Variants in MDGA2 observed in about 807,000 individuals in gnomAD.
MDGA2 encodes the protein MAM domain-containing glycosylphosphatidylinositol anchor protein 2.
MDGA2 carries 40 observed loss-of-function variants against 117.8 expected under a neutral mutation model. The observed-to-expected ratio is 0.34, with a 90% CI of 0.26 to 0.44. The LOEUF is 0.44. Ranked by LOEUF, MDGA2 falls within the 20% of genes least tolerant of loss-of-function variation. The pLI is 1.00. For missense variants in MDGA2, 1,123 were observed against 1,250.6 expected (o/e 0.90, Z 1.54); for synonymous variants, 452 against 439.0 (o/e 1.03, Z -0.37).
At chr14:47,239,679 T>C (rs1244166212) in intron 2 of MDGA2, among the ~76,000 whole-genome samples, 1 of 151,874 alleles carries the variant, frequency 6.6e-6, no homozygotes, top group Non-Finnish European at 1.5e-5. Context: ...TAATGAATTT[T>C]CCTTTGGGGA....
chr14:47,538,538 A>G lies in MDGA2; in HGVS notation c.280+135979T>C, dbSNP rs535835098. Among the ~76,000 whole-genome samples the G allele has an allele frequency of 2.2e-4, 34 of 152,334 alleles. No individual in the cohort carries two copies. The South Asian group carries it at 6.4e-3, about 29-fold the overall frequency. ...GTGTTATATACAAAGATAACAACAC[A>G]ACAACTCTTGATTGGGTGGTCCTTA... On this transcript the variant is annotated intron_variant, in intron 1 of 16. Transcript: ENST00000399232.
chr14:47,320,591 C>T (rs895930498), intron 1 of MDGA2, among the ~76,000 whole-genome samples: 3 of 152,074 alleles, frequency 2.0e-5, no homozygotes, highest in African/African-American at 7.2e-5. Flanking sequence ...CTCTTTTCCT[C>T]CATCCCTCCA....
intron 1 of MDGA2, among the ~76,000 whole-genome samples, chr14:47,464,301 T>A (rs4900768): frequency 0.32 from 48,110 of 151,764 alleles, 8,118 homozygotes; most frequent in East Asian, 0.58. Flanking sequence ...AATTAAATAT[T>A]TAAATTAATA....
intron 1 of MDGA2, among the ~76,000 whole-genome samples, chr14:47,490,410 C>A (rs1207629349): frequency 6.6e-6 from 1 of 152,036 alleles, no homozygotes; most frequent in Admixed American, 6.6e-5. Context: ...GAATCTTATT[C>A]TGAATACATT....
intron 7 of MDGA2, among the ~76,000 whole-genome samples, chr14:47,038,072 G>A (rs901308344): frequency 6.6e-5 from 10 of 152,076 alleles, no homozygotes; most frequent in African/African-American, 2.2e-4. Flanking sequence ...TGGGATTACA[G>A]GTGTGCACCA....
chr14:47,103,503 C>A (rs1476945415), intron 5 of MDGA2, among the ~76,000 whole-genome samples: 1 of 152,162 alleles, frequency 6.6e-6, no homozygotes, highest in Non-Finnish European at 1.5e-5. Flanking sequence ...TGGTATCATG[C>A]TGGGAAATTC....
intron 8 of MDGA2, among the ~76,000 whole-genome samples, chr14:47,018,180 C>T (rs1256222792): frequency 8.6e-5 from 13 of 151,108 alleles, no homozygotes; most frequent in African/African-American, 2.9e-4. Context: ...TTTAAAGAAA[C>T]GCCTTTATTA....
At chr14:47,186,332 A>T (rs1764596548) in intron 3 of MDGA2, among the ~76,000 whole-genome samples, 1 of 151,788 alleles carries the variant, frequency 6.6e-6, no homozygotes, top group South Asian at 2.1e-4. Context: ...TAATTTTAAA[A>T]TTCATATGAA....
intron 3 of MDGA2, among the ~76,000 whole-genome samples, chr14:47,161,003 C>T (rs1420637346): frequency 6.6e-6 from 1 of 152,074 alleles, no homozygotes; most frequent in African/African-American, 2.4e-5. Context: ...TTTCCTTATT[C>T]CAAATCAGGA....
intron 1 of MDGA2, among the ~76,000 whole-genome samples, chr14:47,380,616 A>G (rs1314610424): frequency 6.6e-6 from 1 of 152,126 alleles, no homozygotes; most frequent in Non-Finnish European, 1.5e-5. Context: ...TCTAGAAGAA[A>G]TGGATAAATT....
intron 1 of MDGA2, among the ~76,000 whole-genome samples, chr14:47,565,818 G>A (rs1457907842): frequency 6.6e-6 from 1 of 152,208 alleles, no homozygotes; most frequent in Non-Finnish European, 1.5e-5. Flanking sequence ...ACTGGCAGGT[G>A]TAGGGCTGGC....
intron 1 of MDGA2, among the ~76,000 whole-genome samples, chr14:47,466,733 C>G (rs983551772): frequency 1.3e-5 from 2 of 152,042 alleles, no homozygotes; most frequent in Non-Finnish European, 1.5e-5. Flanking sequence ...ATGTTTAGAG[C>G]AGCGGGGTGG....
chr14:47,587,039 C>A (rs1008006951), intron 1 of MDGA2, among the ~76,000 whole-genome samples: 1 of 151,838 alleles, frequency 6.6e-6, no homozygotes, highest in South Asian at 2.1e-4. Flanking sequence ...TGTGCTCCTA[C>A]AATAATGAAG....
chr14:47,339,064 A>G (rs1184145985), intron 1 of MDGA2, among the ~76,000 whole-genome samples: 1 of 152,152 alleles, frequency 6.6e-6, no homozygotes, highest in Non-Finnish European at 1.5e-5. Flanking sequence ...ATTGAAATTA[A>G]TCACTAATAA....
At chr14:47,524,572 C>T (rs1456076837) in intron 1 of MDGA2, among the ~76,000 whole-genome samples, 1 of 152,182 alleles carries the variant, frequency 6.6e-6, no homozygotes, top group Non-Finnish European at 1.5e-5. Context: ...AGCACGTAAT[C>T]TCCTCTGTAA....
chr14:47,333,335 C>T (rs2139918920), intron 1 of MDGA2, among the ~76,000 whole-genome samples: 1 of 151,964 alleles, frequency 6.6e-6, no homozygotes, highest in African/African-American at 2.4e-5. Context: ...TAATAGCCAA[C>T]CTGACTGGTG....
chr14:47,340,418 T>G lies in MDGA2; in HGVS notation c.281-38868A>C, dbSNP rs560740032. On this transcript the variant is annotated intron_variant, in intron 1 of 16. Coordinates refer to ENST00000399232, the MANE Select transcript of MDGA2 (RefSeq NM_001113498.3). ...GAAAAATAAAAAATAGCCAAAATAC[T>G]AATTTTTACTCATAATTTCAGGATC... Among the ~76,000 whole-genome samples, 41 of 152,300 alleles carry G rather than the reference T, an allele frequency of 2.7e-4. No individual in the cohort carries two copies. The East Asian group carries it at 6.9e-3, about 26-fold the overall frequency.
chr14:47,252,744 G>T (rs1408915789), intron 2 of MDGA2, among the ~76,000 whole-genome samples: 3 of 152,148 alleles, frequency 2.0e-5, no homozygotes, highest in Non-Finnish European at 4.4e-5. Flanking sequence ...AAGGAGTGAG[G>T]AGAAGGAAAA....
chr14:46,866,288 G>T (rs376756985), intron 14 of MDGA2, among the ~76,000 whole-genome samples: 4,952 of 152,138 alleles, frequency 0.033, 141 homozygotes, highest in South Asian at 0.12. Context: ...ACAAGCAATG[G>T]GGAAAGGATT....
Sources: allele counts gnomAD v4.1 joint callset (sites outside exome capture counted in the v4.1 genomes callset), GRCh38; gene constraint gnomAD v4.1.1; transcripts MANE v1.5; gene names NCBI Gene and HGNC (gene_info 2026-07-23, HGNC 2026-07-21).